Variants in LGSN observed in about 807,000 individuals in gnomAD.
The protein encoded by LGSN is lengsin.
A neutral mutation model predicts 19.5 loss-of-function variants in LGSN; 21 were observed. That is an observed-to-expected ratio of 1.07 (90% CI 0.76 to 1.55). The LOEUF is 1.55. Ranked by LOEUF, LGSN falls within the 40% of genes most tolerant of loss-of-function variation. The pLI is 0.00. For missense variants in LGSN, 673 were observed against 608.5 expected, an observed-to-expected ratio of 1.11 and a Z score of -1.12; for synonymous variants, 257 against 215.6, an observed-to-expected ratio of 1.19 and a Z score of -1.68.
At chr6:63,305,439 A>T (rs1326770409) in intron 1 of LGSN, among the ~76,000 whole-genome samples, 1 of 152,176 alleles carries the variant, frequency 6.6e-6, no homozygotes, top group African/African-American at 2.4e-5. Context: ...ACCTCCTTAC[A>T]TATCTTAAGT....
chr6:63,490,060 TAAATA>T, the LGSN span, among the ~76,000 whole-genome samples: 1 of 152,316 alleles, frequency 6.6e-6, no homozygotes, highest in East Asian at 1.9e-4. Flanking sequence ...CTATCTATTT[TAAATA>T]AAATAACATT....
At chr6:63,491,717 C>CTAG in the LGSN span, among the ~76,000 whole-genome samples, 1 of 152,152 alleles carries the variant, frequency 6.6e-6, no homozygotes, top group Non-Finnish European at 1.5e-5. Context: ...GTGCCATGTG[C>CTAG]TAGTGTGGTT....
At chr6:63,412,718 GGAAA>G in the LGSN span, among the ~76,000 whole-genome samples, 297 of 54,788 alleles carry the variant, frequency 5.4e-3, 4 homozygotes, top group Non-Finnish European at 7.0e-3. Flanking sequence ...AGGGAAGGAA[GGAAA>G]GAAAGAAAGA....
At chr6:63,509,542 T>A in the LGSN span, among the ~76,000 whole-genome samples, 1 of 152,148 alleles carries the variant, frequency 6.6e-6, no homozygotes, top group Non-Finnish European at 1.5e-5. Flanking sequence ...TAATTATACC[T>A]TTTAGTTTTT....
At chr6:63,360,308 T>G in the LGSN span, among the ~76,000 whole-genome samples, 1 of 152,252 alleles carries the variant, frequency 6.6e-6, no homozygotes, top group Admixed American at 6.5e-5. Flanking sequence ...CAATCAGACG[T>G]AGATTTGGAC....
At chr6:63,527,394 C>T in the LGSN span, among the ~76,000 whole-genome samples, 2 of 152,110 alleles carry the variant, frequency 1.3e-5, no homozygotes, top group Non-Finnish European at 1.5e-5. Flanking sequence ...CCAATAAGTG[C>T]CGAGTGAATA....
intron 3 of LGSN, among the ~76,000 whole-genome samples, chr6:63,284,477 G>T (rs1767450234): frequency 6.6e-6 from 1 of 152,036 alleles, no homozygotes; most frequent in Non-Finnish European, 1.5e-5. Flanking sequence ...TTTTGTAAAA[G>T]GATTCCACTG....
chr6:63,475,874 G>A, the LGSN span, among the ~76,000 whole-genome samples: 1 of 152,170 alleles, frequency 6.6e-6, no homozygotes. Context: ...TGGGACTGCT[G>A]AAATTCTGGC....
the LGSN span, among the ~76,000 whole-genome samples, chr6:63,497,214 C>G: frequency 6.6e-6 from 1 of 151,768 alleles, no homozygotes; most frequent in Non-Finnish European, 1.5e-5. Flanking sequence ...TGGCCTCAAG[C>G]GAGGCCTCAG....
At chr6:63,445,305 C>T in the LGSN span, among the ~76,000 whole-genome samples, 5 of 151,268 alleles carry the variant, frequency 3.3e-5, no homozygotes, top group Admixed American at 6.6e-5. Context: ...AGGGAGACTC[C>T]GTCTCAAAAA....
chr6:63,565,179 A>ATTTT, the LGSN span, among the ~76,000 whole-genome samples: 1 of 145,522 alleles, frequency 6.9e-6, no homozygotes. Flanking sequence ...TGCCCAGATA[A>ATTTT]TTTTTTTTTT....
At chr6:63,423,473 C>CAAA in the LGSN span, among the ~76,000 whole-genome samples, 1 of 126,740 alleles carries the variant, frequency 7.9e-6, no homozygotes, top group Non-Finnish European at 1.7e-5. Context: ...CTGTCTCTAC[C>CAAA]AAAAAAAAAA....
In LGSN at chr6:63,278,197, G is replaced by C. The variant is rs1767155529; in HGVS notation, c.*1824C>G. On this transcript the variant is annotated 3_prime_UTR_variant, in exon 4 of 4. Coordinates refer to ENST00000370657, the MANE Select transcript of LGSN (RefSeq NM_016571.3). ...CATGACCACATCCAACCTTAATGAA[G>C]GCTCAGAAATATCATTTCATTTTTC... is the stretch of plus-strand genomic sequence containing the variant. 2.0e-5 allele frequency: 3 copies of C among 151,582 alleles called. No individual in the cohort carries two copies. The highest frequency in any genetic ancestry group is 7.3e-5 in the African/African-American group (3 of 40,970). The allele number at this position is 151,582 out of a possible 1,614,324, so 9.4% of individuals were successfully genotyped here.
At chr6:63,386,826 T>C in the LGSN span, among the ~76,000 whole-genome samples, 3,441 of 152,222 alleles carry the variant, frequency 0.023, 52 homozygotes, top group Middle Eastern at 0.044. Flanking sequence ...GGGGCGGGCA[T>C]GGTGACTCAT....
the LGSN span, among the ~76,000 whole-genome samples, chr6:63,465,307 G>T: frequency 6.6e-6 from 1 of 151,632 alleles, no homozygotes; most frequent in Non-Finnish European, 1.5e-5. Flanking sequence ...CAGCCTCCTC[G>T]GTAGCTGGGA....
At chr6:63,570,971 T>C in the LGSN span, 1 of 152,222 alleles carries the variant, frequency 6.6e-6, no homozygotes, top group Admixed American at 6.5e-5. Flanking sequence ...TTTTAAGCTT[T>C]CTATATTTTC....
chr6:63,317,227 A>G (rs987316915), intron 1 of LGSN, among the ~76,000 whole-genome samples: 3 of 152,204 alleles, frequency 2.0e-5, no homozygotes, highest in African/African-American at 7.2e-5. Flanking sequence ...AGTTCTCACT[A>G]TATTGTAAGC....
At chr6:63,525,515 C>G in the LGSN span, among the ~76,000 whole-genome samples, 2 of 152,200 alleles carry the variant, frequency 1.3e-5, no homozygotes, top group African/African-American at 4.8e-5. Context: ...ATTTCCCCAT[C>G]TCCCAGAACC....
At chr6:63,405,778 A>C in the LGSN span, among the ~76,000 whole-genome samples, 1 of 152,194 alleles carries the variant, frequency 6.6e-6, no homozygotes, top group East Asian at 1.9e-4. Flanking sequence ...TATTCAGGAA[A>C]CCCATCTCAA....
Sources: gnomAD v4.1 joint callset for allele counts (sites outside exome capture counted in the v4.1 genomes callset) on GRCh38, gnomAD v4.1.1 for gene constraint, MANE v1.5 for transcripts, NCBI Gene and HGNC (gene_info 2026-07-23, HGNC 2026-07-21) for gene names.